The following NLRP3 variants were observed in gnomAD, a reference collection of about 807,000 sequenced individuals.
NLRP3 encodes the protein NLR family pyrin domain containing 3.
In NLRP3, 48 loss-of-function variants were observed where a neutral mutation model predicts 91.3. That is an observed-to-expected ratio of 0.53 (90% CI 0.42 to 0.67). The LOEUF (loss-of-function observed/expected upper bound fraction) is 0.67, where lower values mean the gene tolerates loss of function less well. NLRP3 is among the 30% of genes least tolerant of loss of function. The pLI, the probability that NLRP3 is intolerant of heterozygous loss-of-function variation, is 0.00. For synonymous variants in NLRP3, 561 were observed against 507.9 expected (o/e 1.10, Z -1.41); for missense variants, 982 against 1,276.9 (o/e 0.77, Z 3.52).
At chr1:247,429,523 G>C in intron 4 of NLRP3, 62 bp from the exon 5 acceptor site, 1 of 1,589,102 alleles carries the variant, frequency 6.3e-7, no homozygotes, top group South Asian at 1.1e-5. Flanking sequence ...CCGGCCCCCA[G>C]CTCCAGTTAG....
At chr1:247,431,133 G>C (rs370166930) in intron 5 of NLRP3, among the ~76,000 whole-genome samples, 1 of 152,044 alleles carries the variant, frequency 6.6e-6, no homozygotes, top group Admixed American at 6.5e-5. Context: ...GCAGTGAGCC[G>C]AGATCGTGCC....
intron 1 of NLRP3, among the ~76,000 whole-genome samples, chr1:247,416,631 G>T (rs1432720487): frequency 7.9e-6 from 1 of 126,354 alleles, no homozygotes; most frequent in Admixed American, 7.8e-5. Flanking sequence ...GAGCTGGGAG[G>T]GTATGCGGAG....
In NLRP3 at chr1:247,424,220, C is replaced by T; in HGVS notation, c.771C>T (p.Ile257=). 1 of 1,614,046 alleles carries T rather than the reference C, an allele frequency of 6.2e-7. No individual in the cohort carries two copies. Among genetic ancestry groups the T allele is most frequent in the Non-Finnish European group, 8.5e-7 (1 of 1,179,998 alleles). ...ACAGGTTTGACTATCTGTTCTATAT[C>T]CACTGTCGAGAGGTGAGCCTTGTGA... ...YQDRFDYLFY[I]HCREVSLVTQ... is the part of the protein sequence containing the mutation. Residue 257 remains isoleucine (I), a synonymous_variant, in exon 4 of 10, where the codon ATC becomes ATT. Transcript: ENST00000336119. This position sits in a 1 kb window ranked among gnomAD's most constrained non-coding sequence, Gnocchi z 8.1.
At chr1:247,417,671 G>C (rs367923320) in intron 1 of NLRP3, among the ~76,000 whole-genome samples, 1 of 152,078 alleles carries the variant, frequency 6.6e-6, no homozygotes, top group Non-Finnish European at 1.5e-5. Context: ...TAGTAGAGAC[G>C]GGATTTCTCC....
chr1:247,429,517 C>T (rs866265539), intron 4 of NLRP3, 68 bp from the exon 5 acceptor site: 5 of 1,563,462 alleles, frequency 3.2e-6, no homozygotes, highest in Non-Finnish European at 3.5e-6. Flanking sequence ...GGCACCCCGG[C>T]CCCCAGCTCC....
intron 7 of NLRP3, among the ~76,000 whole-genome samples, chr1:247,442,617 G>T (rs1433203127): frequency 2.0e-5 from 3 of 152,186 alleles, no homozygotes; most frequent in African/African-American, 2.4e-5. Flanking sequence ...AGACTAAAAG[G>T]TGGAAAGTCC....
intron 7 of NLRP3, among the ~76,000 whole-genome samples, chr1:247,437,567 A>G (rs1358490891): frequency 6.6e-6 from 1 of 152,124 alleles, no homozygotes; most frequent in Non-Finnish European, 1.5e-5. Context: ...TGGCAATTTG[A>G]CTTCTGCTTC....
intron 7 of NLRP3, among the ~76,000 whole-genome samples, chr1:247,443,661 C>G (rs1453771016): frequency 6.6e-6 from 1 of 151,532 alleles, no homozygotes; most frequent in African/African-American, 2.4e-5. Context: ...AGAAGTGGTG[C>G]TGAGGAGCAC....
intron 4 of NLRP3, among the ~76,000 whole-genome samples, 190 bp from the exon 5 acceptor site, chr1:247,429,395 C>A (rs1663145346): frequency 6.6e-6 from 1 of 152,188 alleles, no homozygotes; most frequent in Admixed American, 6.5e-5. Context: ...CGAGAGGAGG[C>A]AGAACTGCTT....
chr1:247,433,265 G>T (rs931805713), intron 5 of NLRP3, among the ~76,000 whole-genome samples: 1 of 152,078 alleles, frequency 6.6e-6, no homozygotes, highest in Non-Finnish European at 1.5e-5. Context: ...TTTCAATATA[G>T]ATGGAGGGCT....
intron 5 of NLRP3, among the ~76,000 whole-genome samples, chr1:247,431,888 GC>G (rs1386931827): frequency 3.3e-5 from 5 of 152,180 alleles, no homozygotes; most frequent in Non-Finnish European, 7.3e-5. Context: ...TAGTGTCTGG[GC>G]TTTTACTGTA....
At chr1:247,431,185 A>AAATAATAAT (rs549986882) in intron 5 of NLRP3, among the ~76,000 whole-genome samples, 2 of 150,918 alleles carry the variant, frequency 1.3e-5, no homozygotes, top group Admixed American at 6.6e-5. Flanking sequence ...TTCCATTTCA[A>AAATAATAAT]AATAATAATA....
intron 6 of NLRP3, 84 bp downstream of exon 6, chr1:247,434,357 G>T (rs1165888507): frequency 6.7e-6 from 10 of 1,483,366 alleles, no homozygotes; most frequent in Admixed American, 1.7e-5. Flanking sequence ...GGTGGGCTGG[G>T]GTTTGAGTGA....
chr1:247,437,158 T>C (rs1350372693), intron 7 of NLRP3, among the ~76,000 whole-genome samples: 4 of 152,216 alleles, frequency 2.6e-5, no homozygotes, highest in African/African-American at 7.2e-5. Context: ...AGCTTAAGGG[T>C]GGGACCTCCA....
chr1:247,424,847 G>A lies in NLRP3; in HGVS notation c.1398G>A (p.Gly466=), dbSNP rs1411873745. The change falls in exon 4 of 10, where the codon GGG becomes GGA. Residue 466 remains glycine (G), a synonymous_variant. Transcript: ENST00000336119. This position sits in a 1 kb window ranked among gnomAD's most constrained non-coding sequence, Gnocchi z 8.1. ...ACGGCCTCTGCGCCCACCTCTGGGG[G>A]CTCTGCTCTTTGGCTGCAGATGGAA... ...QEHGLCAHLW[G]LCSLAADGIW... The A allele has an allele frequency of 3.1e-6, 5 of 1,607,978 alleles. 1 individual carries two copies. Among genetic ancestry groups the A allele is most frequent in the South Asian group, 2.2e-5 (2 of 91,084 alleles).
intron 4 of NLRP3, among the ~76,000 whole-genome samples, chr1:247,427,655 T>A (rs943110568): frequency 6.8e-6 from 1 of 147,632 alleles, no homozygotes; most frequent in African/African-American, 2.5e-5. Context: ...TTTCTCTAGA[T>A]AGCACCTTCC....
chr1:247,433,878 T>C (rs76911796), intron 5 of NLRP3, among the ~76,000 whole-genome samples: 1,443 of 105,034 alleles, frequency 0.014, 296 homozygotes, highest in Admixed American at 0.025. Context: ...TTCTCTATTC[T>C]GGAGCTCTCT....
At chr1:247,448,356 A>T (rs201236692) in intron 9 of NLRP3, 49 bp from the exon 10 acceptor site, 1 of 945,920 alleles carries the variant, frequency 1.1e-6, no homozygotes, top group Non-Finnish European at 1.7e-6. Flanking sequence ...AACGACTCTG[A>T]CAGAGTTATC....
chr1:247,441,117 C>T (rs1664186255), intron 7 of NLRP3, among the ~76,000 whole-genome samples: 1 of 95,428 alleles, frequency 1.0e-5, no homozygotes, highest in Non-Finnish European at 2.3e-5. Context: ...TTCTTTCTCT[C>T]TTTTTCTTTT....
Sources: gnomAD v4.1 joint callset for allele counts (sites outside exome capture counted in the v4.1 genomes callset) on GRCh38, gnomAD v4.1.1 for gene constraint, Gnocchi (gnomAD v3.1) non-coding constraint, MANE v1.5 for transcripts, NCBI Gene and HGNC (gene_info 2026-07-23, HGNC 2026-07-21) for gene names.